Variants in PUS10 observed in about 807,000 individuals in gnomAD.
The protein encoded by PUS10 is tRNA pseudouridine synthase Pus10.
A neutral mutation model predicts 75.0 loss-of-function variants in PUS10; 59 were observed. The ratio of observed to expected loss-of-function variants is 0.79; its 90% confidence interval spans 0.64 to 0.98. The LOEUF is 0.98. PUS10 is among the 50% of genes least tolerant of loss of function. PUS10 has a pLI of 0.00. For missense variants in PUS10, 650 were observed against 614.4 expected, an observed-to-expected ratio of 1.06 and a Z score of -0.61; for synonymous variants, 219 against 211.6, an observed-to-expected ratio of 1.03 and a Z score of -0.30.
intron 4 of PUS10, among the ~76,000 whole-genome samples, chr2:60,984,955 G>T (rs1285400489): frequency 6.6e-6 from 1 of 152,202 alleles, no homozygotes; most frequent in Non-Finnish European, 1.5e-5. Flanking sequence ...GGAAGAGAAA[G>T]AGAGAGACTA....
intron 4 of PUS10, among the ~76,000 whole-genome samples, chr2:60,981,782 T>C (rs1677410703): frequency 6.6e-6 from 1 of 152,180 alleles, no homozygotes; most frequent in Non-Finnish European, 1.5e-5. Context: ...TGCCTCTACA[T>C]TCAATTTGCT....
chr2:60,965,545 T>C (rs1676288338), intron 6 of PUS10, 61 bp from the exon 7 acceptor site: 3 of 1,147,722 alleles, frequency 2.6e-6, no homozygotes. Context: ...AACAACTTAT[T>C]AATGGAAATA....
chr2:60,973,499 A>C (rs956641182), intron 4 of PUS10, among the ~76,000 whole-genome samples: 2 of 152,130 alleles, frequency 1.3e-5, no homozygotes, highest in African/African-American at 4.8e-5. Context: ...GTGTGTGCAC[A>C]CTCATGGCAG....
chr2:60,989,100 C>A (rs1677908337), intron 4 of PUS10, among the ~76,000 whole-genome samples: 1 of 152,060 alleles, frequency 6.6e-6, no homozygotes, highest in Admixed American at 6.5e-5. Context: ...GCAGACATCC[C>A]AAAAGTTGAA....
At chr2:60,982,126 G>C (rs1677432042) in intron 4 of PUS10, among the ~76,000 whole-genome samples, 1 of 151,736 alleles carries the variant, frequency 6.6e-6, no homozygotes, top group Non-Finnish European at 1.5e-5. Context: ...CTTCCTCCTA[G>C]TCACAATGCA....
At position 60,963,936 on chromosome 2, in the gene PUS10, G is replaced by T. The variant is rs536835648; in HGVS notation, c.724-1046C>A. 7.2e-5 allele frequency among the ~76,000 whole-genome samples: 11 copies of T among 152,280 alleles called. No homozygotes were observed. In the East Asian group the frequency reaches 2.1e-3, roughly 29 times the overall value. On this transcript the variant is annotated intron_variant, in intron 8 of 17. Transcript: ENST00000316752. ...TTAAGGGTAAATAAAATAAAACTAGGTCTTCAATGTAGATACATCTTACAG... is the reference window on the plus strand; with the variant it reads ...TTAAGGGTAAATAAAATAAAACTAGTTCTTCAATGTAGATACATCTTACAG...
intron 4 of PUS10, among the ~76,000 whole-genome samples, chr2:60,988,076 A>C (rs1179346881): frequency 6.6e-6 from 1 of 152,086 alleles, no homozygotes; most frequent in Non-Finnish European, 1.5e-5. Flanking sequence ...GTGAGAGAGC[A>C]AGACTCCGTC....
In PUS10 at chr2:61,011,784, G is replaced by C; in HGVS notation, c.107C>G (p.Pro36Arg). The C allele has an allele frequency of 6.3e-7, 1 of 1,587,396 alleles. No individual in the cohort carries two copies. Among genetic ancestry groups the C allele is most frequent in the Non-Finnish European group, 8.6e-7 (1 of 1,168,668 alleles). ...FRFCGVDFHA[P>R]YKLPYKELLN... ...AAATACCTTGTATGGAAGTTTGTAA[G>C]GTGCATGAAAATCCACACCACAGAA... The change falls in exon 2 of 18, where the codon CCT becomes CGT. Residue 36 changes from proline (P) to arginine (R), a missense_variant. Physicochemically the swap from Pro to Arg is moderately radical, Grantham distance 103. Transcript: ENST00000316752.
chr2:60,973,419 G>T (rs1372233404), intron 4 of PUS10, among the ~76,000 whole-genome samples: 1 of 152,228 alleles, frequency 6.6e-6, no homozygotes, highest in African/African-American at 2.4e-5. Flanking sequence ...ACCTCTCCCT[G>T]CTCCCAGTGC....
intron 6 of PUS10, 145 bp from the exon 7 acceptor site, chr2:60,965,629 C>G (rs1245723534): frequency 1.7e-6 from 1 of 582,662 alleles, no homozygotes; most frequent in African/African-American, 2.0e-5. Flanking sequence ...CTCAAATCAA[C>G]TTGTTATCAG....
At chr2:61,015,293 G>C (rs1679894035) in intron 1 of PUS10, among the ~76,000 whole-genome samples, 1 of 152,152 alleles carries the variant, frequency 6.6e-6, no homozygotes, top group South Asian at 2.1e-4. Flanking sequence ...TTGAGGTCTG[G>C]AGTTCAAGAC....
chr2:61,001,415 T>C (rs1678850971), intron 4 of PUS10, among the ~76,000 whole-genome samples: 1 of 152,094 alleles, frequency 6.6e-6, no homozygotes. Flanking sequence ...TAGCTGGGAC[T>C]ACAGGTGCAC....
At chr2:60,971,496 T>TA in intron 5 of PUS10, 27 bp downstream of exon 5, 8 of 1,602,438 alleles carry the variant, frequency 5.0e-6, no homozygotes, top group Non-Finnish European at 6.8e-6. Flanking sequence ...TGAATGGTAG[T>TA]AAAAATTCCC....
chr2:60,969,034 C>T (rs925523058), intron 5 of PUS10, among the ~76,000 whole-genome samples: 1 of 152,066 alleles, frequency 6.6e-6, no homozygotes, highest in Non-Finnish European at 1.5e-5. Context: ...AAAGAATAAA[C>T]GTTGAAACAG....
At chr2:60,947,051 A>T (rs919941508) in intron 16 of PUS10, among the ~76,000 whole-genome samples, 2 of 152,222 alleles carry the variant, frequency 1.3e-5, no homozygotes, top group African/African-American at 2.4e-5. Context: ...CTCAGTTCTG[A>T]TACAAAAATC....
chr2:60,993,403 G>C (rs1678240683), intron 4 of PUS10, among the ~76,000 whole-genome samples: 1 of 152,006 alleles, frequency 6.6e-6, no homozygotes, highest in Admixed American at 6.6e-5. Flanking sequence ...GTTGCAGTGA[G>C]CTGAGATCAT....
At chr2:60,942,744 C>A (rs536383579) in intron 17 of PUS10, among the ~76,000 whole-genome samples, 1 of 151,998 alleles carries the variant, frequency 6.6e-6, no homozygotes, top group Non-Finnish European at 1.5e-5. Flanking sequence ...GTGGCTCACA[C>A]CTTTAATCCC....
At chr2:60,943,894 C>T (rs1194752490) in intron 17 of PUS10, among the ~76,000 whole-genome samples, 3 of 151,796 alleles carry the variant, frequency 2.0e-5, no homozygotes, top group Non-Finnish European at 2.9e-5. Context: ...ACACTCCTAA[C>T]TGTTCTGAGA....
intron 11 of PUS10, 144 bp downstream of exon 11, chr2:60,960,248 G>A: frequency 3.9e-6 from 2 of 518,242 alleles, no homozygotes; most frequent in South Asian, 7.8e-5. Flanking sequence ...GGAGGCCAAG[G>A]TGGGCAGATC....
Sources: gnomAD v4.1 joint callset for allele counts (sites outside exome capture counted in the v4.1 genomes callset) on GRCh38, gnomAD v4.1.1 for gene constraint, MANE v1.5 for transcripts, NCBI Gene and HGNC (gene_info 2026-07-23, HGNC 2026-07-21) for gene names.